The following PDE8B variants were observed in gnomAD, a reference collection of about 807,000 sequenced individuals.
PDE8B encodes high affinity cAMP-specific and IBMX-insensitive 3',5'-cyclic phosphodiesterase 8B.
PDE8B carries 26 observed loss-of-function variants against 101.3 expected under a neutral mutation model. The ratio of observed to expected loss-of-function variants is 0.26; its 90% confidence interval spans 0.19 to 0.36. PDE8B has a LOEUF of 0.36. PDE8B is among the 10% of genes least tolerant of loss of function. PDE8B has a pLI of 1.00. For synonymous variants in PDE8B, 424 were observed against 429.3 expected (o/e 0.99, Z 0.15); for missense variants, 810 against 1,163.1 (o/e 0.70, Z 4.42).
intron 1 of PDE8B, among the ~76,000 whole-genome samples, chr5:77,304,038 A>G (rs1770593987): frequency 6.6e-6 from 1 of 152,178 alleles, no homozygotes; most frequent in Non-Finnish European, 1.5e-5. Flanking sequence ...TATACACCCT[A>G]GAGATACACT....
At chr5:77,361,546 G>T (rs556430501) in intron 10 of PDE8B, among the ~76,000 whole-genome samples, 26 of 144,476 alleles carry the variant, frequency 1.8e-4, no homozygotes, top group Middle Eastern at 3.6e-3. Flanking sequence ...ATGGAGTCTC[G>T]CTCTATTGCC....
chr5:77,268,171 C>T (rs1762110708), intron 1 of PDE8B, among the ~76,000 whole-genome samples: 1 of 152,060 alleles, frequency 6.6e-6, no homozygotes, highest in Non-Finnish European at 1.5e-5. Flanking sequence ...CTCAGTGTCT[C>T]ATTTCCTCCC....
At chr5:77,301,518 TC>T in intron 1 of PDE8B, among the ~76,000 whole-genome samples, 1 of 152,328 alleles carries the variant, frequency 6.6e-6, no homozygotes, top group Admixed American at 6.5e-5. Flanking sequence ...CTTGGGTTTT[TC>T]CACAGTCTGG....
chr5:77,105,764 C>T, the PDE8B span: 1 of 152,184 alleles, frequency 6.6e-6, no homozygotes, highest in South Asian at 2.1e-4. Flanking sequence ...ACACTCCTAC[C>T]AGGACTGTCT....
At chr5:77,110,774 G>T in the PDE8B span, among the ~76,000 whole-genome samples, 64 of 152,296 alleles carry the variant, frequency 4.2e-4, no homozygotes, top group Non-Finnish European at 7.8e-4. Context: ...AGAGACTACC[G>T]CATGGCCTCT....
intron 2 of PDE8B, among the ~76,000 whole-genome samples, chr5:77,314,491 A>G (rs1022576928): frequency 1.3e-5 from 2 of 152,090 alleles, no homozygotes; most frequent in Non-Finnish European, 2.9e-5. Context: ...GAGTATTACT[A>G]TGTTAACAAT....
chr5:77,327,473 C>T (rs1452589855), intron 3 of PDE8B, among the ~76,000 whole-genome samples: 1 of 152,156 alleles, frequency 6.6e-6, no homozygotes, highest in Non-Finnish European at 1.5e-5. Context: ...CTAAAACCCA[C>T]GCCTTAGGAT....
the PDE8B span, among the ~76,000 whole-genome samples, chr5:77,188,970 A>G: frequency 6.6e-6 from 1 of 152,180 alleles, no homozygotes; most frequent in Non-Finnish European, 1.5e-5. Flanking sequence ...TCAAACACCT[A>G]GATGGCCTCT....
At chr5:77,097,693 C>CTATCTATCTA in the PDE8B span, among the ~76,000 whole-genome samples, 5 of 30,218 alleles carry the variant, frequency 1.7e-4, no homozygotes, top group African/African-American at 5.2e-4. Context: ...TTTTATATAT[C>CTATCTATCTA]TATATATATA....
At chr5:77,358,080 TGGGCCTTCTCATGATTTG>T (rs1396484596) in intron 10 of PDE8B, among the ~76,000 whole-genome samples, 2 of 152,218 alleles carry the variant, frequency 1.3e-5, no homozygotes, top group Admixed American at 1.3e-4. Context: ...GTGTGGCCGA[TGGGCCTTCTCATGATTTG>T]GGGCCTTCTC....
intron 1 of PDE8B, among the ~76,000 whole-genome samples, chr5:77,218,139 A>G (rs1435231537): frequency 6.6e-6 from 1 of 152,236 alleles, no homozygotes; most frequent in Non-Finnish European, 1.5e-5. Context: ...TAATCCATCA[A>G]TGAAAATAAG....
the PDE8B span, among the ~76,000 whole-genome samples, chr5:77,155,477 G>C: frequency 6.6e-6 from 1 of 152,312 alleles, no homozygotes; most frequent in Admixed American, 6.5e-5. Flanking sequence ...ATAAAGATCA[G>C]TTACTACACC....
In PDE8B at chr5:77,421,943, G is replaced by A; in HGVS notation, c.2373G>A (p.Leu791=). The change falls in exon 20 of 22, where the codon CTG becomes CTA. Residue 791 remains leucine (L), a synonymous_variant. Coordinates refer to ENST00000264917, the MANE Select transcript of PDE8B (RefSeq NM_003719.5). ...CCAACCCATGCCGCCCCTTGGACCT[G>A]TGCATTGAATGGGCTGGGAGGATCT... The part of the protein sequence containing the change: ...DVANPCRPLD[L]CIEWAGRISE... The A allele has an allele frequency of 6.2e-7, 1 of 1,614,202 alleles. No homozygotes were observed. Among genetic ancestry groups the A allele is most frequent in the Non-Finnish European group, 8.5e-7 (1 of 1,180,038 alleles).
At chr5:77,161,140 A>G in the PDE8B span, among the ~76,000 whole-genome samples, 1 of 152,218 alleles carries the variant, frequency 6.6e-6, no homozygotes, top group Admixed American at 6.5e-5. Flanking sequence ...GTGAGTTTTG[A>G]TAAATGTGTA....
chr5:77,286,243 G>A (rs1274897212), intron 1 of PDE8B, among the ~76,000 whole-genome samples: 1 of 152,136 alleles, frequency 6.6e-6, no homozygotes, highest in African/African-American at 2.4e-5. Flanking sequence ...TCAGTTCAGA[G>A]ATTTTTAAAT....
intron 10 of PDE8B, among the ~76,000 whole-genome samples, chr5:77,375,913 GC>G (rs1786026758): frequency 7.7e-6 from 1 of 129,490 alleles, no homozygotes. Flanking sequence ...TTTTTTTGAG[GC>G]GGAGTTTTGC....
At chr5:77,110,028 C>G in the PDE8B span, among the ~76,000 whole-genome samples, 1 of 137,664 alleles carries the variant, frequency 7.3e-6, no homozygotes, top group Non-Finnish European at 1.5e-5. Flanking sequence ...ACCTCTGCCT[C>G]CTGGGTTCAA....
intron 14 of PDE8B, among the ~76,000 whole-genome samples, chr5:77,409,763 C>A (rs992807372): frequency 7.9e-5 from 12 of 152,228 alleles, no homozygotes; most frequent in African/African-American, 2.9e-4. Flanking sequence ...GAGTCTGAAG[C>A]TGGAATTCTT....
At chr5:77,179,207 T>C in the PDE8B span, among the ~76,000 whole-genome samples, 1 of 152,278 alleles carries the variant, frequency 6.6e-6, no homozygotes, top group Non-Finnish European at 1.5e-5. Context: ...CATGCCTTTT[T>C]GTAGGCCTTT....
Sources: allele counts gnomAD v4.1 joint callset (sites outside exome capture counted in the v4.1 genomes callset), GRCh38; gene constraint gnomAD v4.1.1; transcripts MANE v1.5; gene names NCBI Gene and HGNC (gene_info 2026-07-23, HGNC 2026-07-21).